Variants in BMPR1B observed in about 807,000 individuals in gnomAD.
The protein encoded by BMPR1B is bone morphogenetic protein receptor type 1B, also known as bone morphogenetic protein receptor type-1B.
In BMPR1B, 12 loss-of-function variants were observed where a neutral mutation model predicts 59.1. That is an observed-to-expected ratio of 0.20 (90% CI 0.13 to 0.33). The LOEUF is 0.33. BMPR1B is among the 10% of genes least tolerant of loss of function. The pLI, the probability that BMPR1B is intolerant of heterozygous loss-of-function variation, is 1.00. For missense variants in BMPR1B, 550 were observed against 610.9 expected (o/e 0.90, Z 1.05); for synonymous variants, 237 against 207.3 (o/e 1.14, Z -1.23).
intron 1 of BMPR1B, among the ~76,000 whole-genome samples, chr4:94,784,869 T>C (rs188561746): frequency 6.6e-6 from 1 of 152,178 alleles, no homozygotes; most frequent in African/African-American, 2.4e-5. Flanking sequence ...CATCTTAGCC[T>C]CCTCTTTGGT....
chr4:94,775,389 A>G (rs758227949), intron 1 of BMPR1B, among the ~76,000 whole-genome samples: 11 of 152,250 alleles, frequency 7.2e-5, no homozygotes, highest in Non-Finnish European at 1.3e-4. Context: ...AAGCCCAAAA[A>G]TTATTTGATC....
intron 1 of BMPR1B, among the ~76,000 whole-genome samples, chr4:94,840,630 T>C (rs1725019850): frequency 6.9e-6 from 1 of 145,530 alleles, no homozygotes; most frequent in African/African-American, 2.6e-5. Context: ...CTTTAAGCAC[T>C]TCTTTGTATT....
intron 1 of BMPR1B, among the ~76,000 whole-genome samples, chr4:94,789,376 A>G (rs1367508030): frequency 6.6e-6 from 1 of 152,130 alleles, no homozygotes; most frequent in Admixed American, 6.5e-5. Flanking sequence ...GTCATTGTCA[A>G]CTTCCAGTGG....
intron 1 of BMPR1B, among the ~76,000 whole-genome samples, chr4:94,765,677 T>C (rs568536076): frequency 1.3e-5 from 2 of 151,826 alleles, no homozygotes; most frequent in African/African-American, 2.4e-5. Context: ...TTATTTCTAC[T>C]TTGTCACATA....
intron 3 of BMPR1B, among the ~76,000 whole-genome samples, chr4:95,025,555 G>A (rs1578948113): frequency 6.6e-6 from 1 of 152,166 alleles, no homozygotes; most frequent in Admixed American, 6.6e-5. Context: ...GTAGTGTAAA[G>A]TATGATGATT....
At chr4:95,094,338 C>G (rs1008613594) in intron 3 of BMPR1B, among the ~76,000 whole-genome samples, 1 of 151,058 alleles carries the variant, frequency 6.6e-6, no homozygotes, top group Non-Finnish European at 1.5e-5. Context: ...CGTGATTAAT[C>G]TAGAAAGGAA....
intron 1 of BMPR1B, among the ~76,000 whole-genome samples, chr4:94,775,664 A>G (rs1722337297): frequency 1.3e-5 from 2 of 152,238 alleles, no homozygotes; most frequent in Non-Finnish European, 2.9e-5. Context: ...GCAAGTGTTT[A>G]GTTGCTTGAC....
chr4:94,846,601 G>T (rs1007723884), intron 1 of BMPR1B, among the ~76,000 whole-genome samples: 2 of 152,014 alleles, frequency 1.3e-5, no homozygotes, highest in Non-Finnish European at 2.9e-5. Flanking sequence ...TTCAGTTTTG[G>T]GACTCAGACT....
At chr4:94,837,667 G>A (rs7667667) in intron 1 of BMPR1B, among the ~76,000 whole-genome samples, 59,548 of 117,444 alleles carry the variant, frequency 0.51, 18,089 homozygotes, top group African/African-American at 0.72. Context: ...GGCTGAGACA[G>A]TGGGGTTTTC....
chr4:94,967,471 C>T (rs1047980053), intron 2 of BMPR1B, among the ~76,000 whole-genome samples: 2 of 151,746 alleles, frequency 1.3e-5, no homozygotes, highest in African/African-American at 4.8e-5. Context: ...CCCCTCTCCT[C>T]TCTCCTTCTC....
At chr4:94,772,490 T>C (rs1157030927) in intron 1 of BMPR1B, among the ~76,000 whole-genome samples, 1 of 152,220 alleles carries the variant, frequency 6.6e-6, no homozygotes, top group Non-Finnish European at 1.5e-5. Context: ...GCAAATTTGC[T>C]TTTTAAAATA....
intron 2 of BMPR1B, among the ~76,000 whole-genome samples, chr4:94,905,637 A>G (rs1435145948): frequency 6.6e-6 from 1 of 151,902 alleles, no homozygotes; most frequent in Non-Finnish European, 1.5e-5. Flanking sequence ...ACCGGCTGTC[A>G]TTGGGATTTT....
At chr4:94,848,094 A>G (rs1030420861) in intron 1 of BMPR1B, among the ~76,000 whole-genome samples, 10 of 152,220 alleles carry the variant, frequency 6.6e-5, no homozygotes, top group African/African-American at 2.4e-4. Flanking sequence ...AAATTCAAGG[A>G]TGTAAGCATA....
intron 3 of BMPR1B, among the ~76,000 whole-genome samples, chr4:95,003,811 T>TTTC (rs1722627839): frequency 7.4e-6 from 1 of 135,976 alleles, no homozygotes; most frequent in Non-Finnish European, 1.6e-5. Context: ...CTTTTTTTTT[T>TTTC]TTTTTTTTTT....
At chr4:94,887,706 A>G (rs1435022467) in intron 2 of BMPR1B, among the ~76,000 whole-genome samples, 2 of 152,074 alleles carry the variant, frequency 1.3e-5, no homozygotes, top group Non-Finnish European at 2.9e-5. Flanking sequence ...CCAAGAGGAT[A>G]CAAATGACAC....
At chr4:94,797,385 A>G (rs968950461) in intron 1 of BMPR1B, among the ~76,000 whole-genome samples, 4 of 152,234 alleles carry the variant, frequency 2.6e-5, no homozygotes, top group African/African-American at 9.6e-5. Flanking sequence ...TATTTCCAGA[A>G]TAGGGATTTA....
chr4:94,956,812 T>G (rs1380977346), intron 2 of BMPR1B, among the ~76,000 whole-genome samples: 1 of 152,036 alleles, frequency 6.6e-6, no homozygotes, highest in African/African-American at 2.4e-5. Context: ...TTTAATTTTT[T>G]TTTTAACTCT....
intron 2 of BMPR1B, among the ~76,000 whole-genome samples, chr4:94,972,786 G>T (rs1730864244): frequency 1.3e-5 from 2 of 152,128 alleles, no homozygotes; most frequent in South Asian, 4.1e-4. Flanking sequence ...ATAAAATAGA[G>T]ATAATGCTGG....
chr4:94,952,533 G>A (rs1729987118), intron 2 of BMPR1B, among the ~76,000 whole-genome samples: 1 of 152,180 alleles, frequency 6.6e-6, no homozygotes, highest in South Asian at 2.1e-4. Flanking sequence ...TAGTCATTCA[G>A]GAGCAGGTTG....
Sources: gnomAD v4.1 joint callset for allele counts (sites outside exome capture counted in the v4.1 genomes callset) on GRCh38, gnomAD v4.1.1 for gene constraint, MANE v1.5 for transcripts, NCBI Gene and HGNC (gene_info 2026-07-23, HGNC 2026-07-21) for gene names.